The following UNC5C variants were observed in gnomAD, a reference collection of about 807,000 sequenced individuals.
UNC5C encodes netrin receptor UNC5C.
UNC5C carries 47 observed loss-of-function variants against 99.8 expected under a neutral mutation model. The ratio of observed to expected loss-of-function variants is 0.47; its 90% CI spans 0.37 to 0.60. UNC5C has a LOEUF of 0.60. Ranked by LOEUF, UNC5C falls within the 20% of genes least tolerant of loss-of-function variation. UNC5C has a pLI of 0.00. For missense variants in UNC5C, 1,062 were observed against 1,165.9 expected, an observed-to-expected ratio of 0.91 and a Z score of 1.30; for synonymous variants, 487 against 452.2, an observed-to-expected ratio of 1.08 and a Z score of -0.98.
At chr4:95,392,248 T>A (rs1236003533) in intron 1 of UNC5C, among the ~76,000 whole-genome samples, 1 of 152,182 alleles carries the variant, frequency 6.6e-6, no homozygotes, top group East Asian at 1.9e-4. Context: ...TATTGAGTAA[T>A]TATATAGTTA....
chr4:95,367,565 T>C (rs1022967771), intron 1 of UNC5C, among the ~76,000 whole-genome samples: 9 of 151,950 alleles, frequency 5.9e-5, no homozygotes, highest in African/African-American at 2.2e-4. Flanking sequence ...ATATTAAATA[T>C]TTTATACTTA....
In UNC5C at chr4:95,165,686, C is replaced by G. The variant is rs1464291280; in HGVS notation, c.*3548G>C. The stretch of plus-strand genomic sequence containing the variant: ...ATTAACAACCCCAATTTTCTCTTCC[C>G]TAGACATAGTATTCCATTCGCATAT... On this transcript the variant is annotated 3_prime_UTR_variant, in exon 16 of 16. Coordinates refer to ENST00000453304, the MANE Select transcript of UNC5C (RefSeq NM_003728.4). 6.6e-6 allele frequency: 1 copy of G among 152,200 alleles called. No individual in the cohort carries two copies. Among genetic ancestry groups the G allele is most frequent in the Non-Finnish European group, 1.5e-5 (1 of 68,046 alleles). The allele number at this position is 152,200 out of a possible 1,614,324, so 9.4% of individuals were successfully genotyped here.
chr4:95,170,483 A>C, intron 14 of UNC5C, 151 bp from the exon 15 acceptor site: 1 of 953,912 alleles, frequency 1.0e-6, no homozygotes, highest in East Asian at 2.6e-5. Context: ...TCTTAGCCTG[A>C]AAGTTGTGCA....
At chr4:95,192,669 C>T (rs1263808897) in intron 12 of UNC5C, among the ~76,000 whole-genome samples, 3 of 149,992 alleles carry the variant, frequency 2.0e-5, no homozygotes, top group Non-Finnish European at 4.5e-5. Flanking sequence ...TCTTCCCCTG[C>T]TCACCTCCTC....
intron 1 of UNC5C, among the ~76,000 whole-genome samples, chr4:95,343,817 TA>T (rs1743667303): frequency 6.6e-6 from 1 of 152,052 alleles, no homozygotes; most frequent in South Asian, 2.1e-4. Context: ...AAGAGTCTCT[TA>T]AAAGCAGAAT....
At chr4:95,203,007 C>T (rs755176289) in intron 11 of UNC5C, 43 bp from the exon 12 acceptor site, 46 of 1,595,144 alleles carry the variant, frequency 2.9e-5, no homozygotes, top group Middle Eastern at 3.7e-4. Flanking sequence ...TCACCCAGGA[C>T]GCATGCCGGC....
intron 1 of UNC5C, among the ~76,000 whole-genome samples, chr4:95,493,487 A>G (rs1285143099): frequency 1.3e-5 from 2 of 151,488 alleles, no homozygotes; most frequent in East Asian, 3.9e-4. Flanking sequence ...TTTTTATCCA[A>G]CAATACACTT....
At chr4:95,221,009 C>T (rs1178131750) in intron 7 of UNC5C, among the ~76,000 whole-genome samples, 1 of 152,116 alleles carries the variant, frequency 6.6e-6, no homozygotes, top group East Asian at 1.9e-4. Flanking sequence ...AGCATTTGAC[C>T]AACACAGTGT....
chr4:95,449,676 C>A (rs1006943483), intron 1 of UNC5C, among the ~76,000 whole-genome samples: 1 of 152,168 alleles, frequency 6.6e-6, no homozygotes, highest in Non-Finnish European at 1.5e-5. Context: ...TGAAATTCTG[C>A]AACGTTTCAA....
At chr4:95,418,348 C>A (rs1324132557) in intron 1 of UNC5C, among the ~76,000 whole-genome samples, 1 of 152,150 alleles carries the variant, frequency 6.6e-6, no homozygotes, top group Non-Finnish European at 1.5e-5. Context: ...AACGCGATGA[C>A]AAGAGGTTTT....
chr4:95,364,976 A>G (rs1441852946), intron 1 of UNC5C, among the ~76,000 whole-genome samples: 2 of 151,828 alleles, frequency 1.3e-5, no homozygotes, highest in Non-Finnish European at 2.9e-5. Flanking sequence ...TTTATATTTA[A>G]GTATATATTT....
rs181781910 is a variant in UNC5C, at chr4:95,459,881, T to C, written c.124+88853A>G. ...TATTCTTCATAATTTTATAAATATA[T>C]AGCATATTTGTCACTCACTCATGGA... On this transcript the variant is annotated intron_variant, in intron 1 of 15. Transcript: ENST00000453304. 1.7e-3 allele frequency among the ~76,000 whole-genome samples: 260 copies of C among 152,300 alleles called. 2 individuals are homozygous for C. The highest frequency in any genetic ancestry group is 6.1e-3 in the African/African-American group (252 of 41,564).
Position 95,408,309 on chromosome 4 carries a change from T to C in UNC5C, c.125-72678A>G, listed in dbSNP as rs188264966. On this transcript the variant is annotated intron_variant, in intron 1 of 15. Coordinates refer to ENST00000453304, the MANE Select transcript of UNC5C (RefSeq NM_003728.4). ...GACTTCTGTGAAATGAAAATACTTC[T>C]GATTGTCTAGCTAAAATTCTCTGTC... Among the ~76,000 whole-genome samples, 3 of 152,342 alleles carry C rather than the reference T, an allele frequency of 2.0e-5. No homozygotes were observed. The East Asian group carries it at 5.8e-4, about 29-fold the overall frequency.
At chr4:95,240,482 G>A (rs1023697005) in intron 7 of UNC5C, among the ~76,000 whole-genome samples, 2 of 152,130 alleles carry the variant, frequency 1.3e-5, no homozygotes, top group African/African-American at 4.8e-5. Flanking sequence ...CAGGAGGGCA[G>A]ATGAAAGAGT....
chr4:95,266,397 A>G (rs1740448838), intron 4 of UNC5C, among the ~76,000 whole-genome samples: 1 of 152,196 alleles, frequency 6.6e-6, no homozygotes, highest in Non-Finnish European at 1.5e-5. Context: ...TCAAAATACT[A>G]ACATGATTTT....
intron 14 of UNC5C, among the ~76,000 whole-genome samples, chr4:95,182,394 T>C (rs1417833358): frequency 6.6e-6 from 1 of 152,160 alleles, no homozygotes; most frequent in African/African-American, 2.4e-5. Context: ...ATTTCTCCTT[T>C]CTTCCTTTGA....
chr4:95,548,239 A>G (rs1723127931), intron 1 of UNC5C, among the ~76,000 whole-genome samples: 1 of 151,904 alleles, frequency 6.6e-6, no homozygotes, highest in Non-Finnish European at 1.5e-5. Flanking sequence ...TCCTTAGCTG[A>G]GCGCCCTTCG....
chr4:95,245,420 T>C (rs1166258307), intron 5 of UNC5C, among the ~76,000 whole-genome samples: 1 of 152,170 alleles, frequency 6.6e-6, no homozygotes, highest in Non-Finnish European at 1.5e-5. Flanking sequence ...CCAGTGTTCT[T>C]AAAAAATACA....
intron 12 of UNC5C, among the ~76,000 whole-genome samples, chr4:95,195,170 C>A (rs1737328498): frequency 6.6e-6 from 1 of 152,134 alleles, no homozygotes; most frequent in Non-Finnish European, 1.5e-5. Context: ...GATTTAATAA[C>A]TTTGATGTCC....
Sources: gnomAD v4.1 joint callset for allele counts (sites outside exome capture counted in the v4.1 genomes callset) on GRCh38, gnomAD v4.1.1 for gene constraint, MANE v1.5 for transcripts, NCBI Gene and HGNC (gene_info 2026-07-23, HGNC 2026-07-21) for gene names.